ETV5: variants seen among roughly 807,000 people sequenced by gnomAD.
ETV5 encodes the protein ETS variant transcription factor 5.
In ETV5, 10 loss-of-function variants were observed where a neutral mutation model predicts 70.0. The observed-to-expected ratio is 0.14, with a 90% CI of 0.09 to 0.24. ETV5 has a LOEUF of 0.24. Ranked by LOEUF, ETV5 falls within the 10% of genes least tolerant of loss-of-function variation. The pLI, the probability that ETV5 is intolerant of heterozygous loss-of-function variation, is 1.00. For synonymous variants in ETV5, 216 were observed against 242.2 expected, an observed-to-expected ratio of 0.89 and a Z score of 1.01; for missense variants, 453 against 651.2, an observed-to-expected ratio of 0.70 and a Z score of 3.31.
chr3:186,107,243 G>C (rs1435177796), intron 1 of ETV5, among the ~76,000 whole-genome samples: 1 of 152,180 alleles, frequency 6.6e-6, no homozygotes, highest in Non-Finnish European at 1.5e-5. Context: ...CAGCCTGCCT[G>C]CGTGCCCCGT....
intron 5 of ETV5, among the ~76,000 whole-genome samples, chr3:186,083,817 C>T (rs1713989769): frequency 6.6e-6 from 1 of 152,086 alleles, no homozygotes; most frequent in South Asian, 2.1e-4. Context: ...ACTTTCCCCG[C>T]AGGACAAAAC....
intron 11 of ETV5, among the ~76,000 whole-genome samples, chr3:186,055,308 C>A (rs1156988359): frequency 6.6e-6 from 1 of 152,200 alleles, no homozygotes; most frequent in Non-Finnish European, 1.5e-5. Context: ...CCTCAGTGAA[C>A]CTAGGTGACA....
rs1223233399 is a variant in ETV5, at chr3:186,054,532, G to A, written c.1210-2401C>T. Among the ~76,000 whole-genome samples the A allele has an allele frequency of 6.6e-6, 1 of 152,118 alleles. No homozygotes were observed. Among genetic ancestry groups the A allele is most frequent in the Non-Finnish European group, 1.5e-5 (1 of 68,030 alleles). On this transcript the variant is annotated intron_variant, in intron 11 of 12. Transcript: ENST00000306376. This position sits in a 1 kb window ranked among gnomAD's most constrained non-coding sequence, Gnocchi z 4.4. ...AAGCCGAGTCAGTCATAATTGAGAG[G>A]GTGCTAAGCTGGATGACTATCAAAA...
intron 5 of ETV5, among the ~76,000 whole-genome samples, chr3:186,100,120 C>T (rs1405551630): frequency 1.3e-5 from 2 of 152,180 alleles, no homozygotes; most frequent in Admixed American, 6.5e-5. Context: ...TTAGCACCCT[C>T]CCAGCAGTAA....
chr3:186,076,789 C>CA (rs892258735), intron 7 of ETV5, among the ~76,000 whole-genome samples: 9 of 151,482 alleles, frequency 5.9e-5, no homozygotes. Flanking sequence ...GCACACCCAG[C>CA]AAAACAAAAA....
In ETV5 at chr3:186,047,426, T is replaced by G. The variant is rs1712906190; in HGVS notation, c.*1213A>C. ...CAAAACAAACTGATGAAATGGAAAT[T>G]GTCATCAGTCATGCCCAGGGAAGAA... On this transcript the variant is annotated 3_prime_UTR_variant, in exon 13 of 13. Coordinates refer to ENST00000306376, the MANE Select transcript of ETV5 (RefSeq NM_004454.3). 4.3e-6 allele frequency: 1 copy of G among 232,026 alleles called. No individual in the cohort carries two copies. Among genetic ancestry groups the G allele is most frequent in the Admixed American group, 5.6e-5 (1 of 17,710 alleles). The allele number at this position is 232,026 out of a possible 1,614,324, so 14.4% of individuals were successfully genotyped here.
At chr3:186,064,382 G>A (rs777972465) in intron 9 of ETV5, 35 bp downstream of exon 9, 2 of 1,582,446 alleles carry the variant, frequency 1.3e-6, no homozygotes, top group Non-Finnish European at 1.7e-6. Flanking sequence ...GGAGAGGAGA[G>A]AGGAGAGAAG....
rs1713198431 is a variant in ETV5 at position 186,057,636 on chromosome 3, GA to G, written c.971-146del. The G allele has an allele frequency of 4.2e-6, 3 of 713,764 alleles. No homozygotes were observed. In the South Asian group the frequency reaches 4.9e-5, roughly 12 times the overall value. The allele number at this position is 713,764 out of a possible 1,614,324, so 44.2% of individuals were successfully genotyped here. Reference sequence around the variant, plus strand: ...ATCTATGGCAGACTGAATTTTCAGGGACTTCAAGAGGGCTTAGGCATTCCAA... The same window carrying G: ...ATCTATGGCAGACTGAATTTTCAGGGCTTCAAGAGGGCTTAGGCATTCCAA... On this transcript the variant is annotated intron_variant, in intron 9 of 12. Coordinates refer to ENST00000306376, the MANE Select transcript of ETV5 (RefSeq NM_004454.3). The surrounding 1 kb of genome is among the most constrained non-coding windows in gnomAD (Gnocchi z 4.9).
At chr3:186,087,343 G>A (rs1195567763) in intron 5 of ETV5, among the ~76,000 whole-genome samples, 3 of 152,174 alleles carry the variant, frequency 2.0e-5, no homozygotes, top group East Asian at 1.9e-4. Flanking sequence ...TACTCTCGAC[G>A]GGGTGGTGCC....
At chr3:186,080,826 C>T in intron 6 of ETV5, 2 of 402,326 alleles carry the variant, frequency 5.0e-6, no homozygotes, top group South Asian at 8.5e-5. Flanking sequence ...GAACTTAGTG[C>T]TCTGTAGAGC....
rs1713195700 is a variant in ETV5 at position 186,057,534 on chromosome 3, T to G, written c.971-43A>C. 3 of 1,511,832 alleles carry G rather than the reference T, an allele frequency of 2.0e-6. No homozygotes were observed. The highest frequency in any genetic ancestry group is 1.8e-6 in the Non-Finnish European group (2 of 1,087,112). 93.7% of individuals were successfully genotyped at this position (1,511,832 alleles called of 1,614,324 possible). ...AGAAAGACTACGTTGCTTAACAAATTCTGTGTTGTACTAAAACTATGGATT... is the reference window on the plus strand; with the variant it reads ...AGAAAGACTACGTTGCTTAACAAATGCTGTGTTGTACTAAAACTATGGATT... On this transcript the variant is annotated intron_variant, in intron 9 of 12. Transcript: ENST00000306376. The surrounding 1 kb of genome is among the most constrained non-coding windows in gnomAD (Gnocchi z 4.9).
chr3:186,056,986 A>G, intron 11 of ETV5, 89 bp downstream of exon 11: 1 of 1,465,966 alleles, frequency 6.8e-7, no homozygotes. Context: ...AGCAGACTTG[A>G]CACAAAAAGC....
At chr3:186,101,908 G>A (rs929191726) in intron 5 of ETV5, among the ~76,000 whole-genome samples, 3 of 152,158 alleles carry the variant, frequency 2.0e-5, no homozygotes, top group Non-Finnish European at 4.4e-5. Context: ...AGGTCCACTG[G>A]TAGAATCCCT....
intron 5 of ETV5, among the ~76,000 whole-genome samples, chr3:186,104,202 GCAGCCCTGTGCTGCT>G (rs1282608738): frequency 2.0e-5 from 3 of 152,166 alleles, no homozygotes; most frequent in Admixed American, 6.5e-5. Flanking sequence ...GCTCTCTAGA[GCAGCCCTGTGCTGCT>G]CAAATTTCAT....
At position 186,052,701 on chromosome 3, in the gene ETV5, A is replaced by G. The variant is rs879356350; in HGVS notation, c.1210-570T>C. On this transcript the variant is annotated intron_variant, in intron 11 of 12. Transcript: ENST00000306376. The surrounding 1 kb of genome is among the most constrained non-coding windows in gnomAD (Gnocchi z 4.5). The stretch of plus-strand genomic sequence containing the variant: ...CCCATGCTCCCAGCAGACTTGCAGA[A>G]TGGACATGAAAGCATGTAGCACCAT... Among the ~76,000 whole-genome samples the G allele has an allele frequency of 6.6e-6, 1 of 152,218 alleles. No homozygotes were observed. The highest frequency in any genetic ancestry group is 6.5e-5 in the Admixed American group (1 of 15,278).
rs1484634912 is a variant in ETV5, at chr3:186,065,824, C to CAGT, written c.896_898dup (p.Tyr299dup). The CAGT allele has an allele frequency of 6.2e-7, 1 of 1,614,052 alleles. No homozygotes were observed. The highest frequency in any genetic ancestry group is 8.5e-7 in the Non-Finnish European group (1 of 1,180,026). ...AATTTGATGCTGACCTGAATCGACG[C>CAGT]AGTAATCCCGAGGCTCCTGCTTGAT... On this transcript the variant is annotated inframe_insertion, in exon 8 of 13. Transcript: ENST00000306376.
chr3:186,104,446 C>G (rs575628717), intron 5 of ETV5, among the ~76,000 whole-genome samples: 1 of 152,178 alleles, frequency 6.6e-6, no homozygotes, highest in Admixed American at 6.5e-5. Flanking sequence ...AGCAACTACA[C>G]GAAAAGTAAG....
rs1426278166 is a variant in ETV5 at position 186,054,502 on chromosome 3, GA to G, written c.1210-2372del. Among the ~76,000 whole-genome samples, 1 of 152,136 alleles carries G rather than the reference GA, an allele frequency of 6.6e-6. No individual in the cohort carries two copies. Among genetic ancestry groups the G allele is most frequent in the African/African-American group, 2.4e-5 (1 of 41,424 alleles). On this transcript the variant is annotated intron_variant, in intron 11 of 12. Transcript: ENST00000306376. The surrounding 1 kb of genome is among the most constrained non-coding windows in gnomAD (Gnocchi z 4.4). The stretch of plus-strand genomic sequence containing the variant: ...CAGATTCACAGTTAAAATGGCTCCA[GA>G]TTAAAGCCGAGTCAGTCATAATTGA...
chr3:186,064,351 C>G lies in ETV5; in HGVS notation c.970+66G>C. ...GAAGGAAGGTAGGAGAAAGAAAAGCCGAGAGAAAGAAAGGAAGAAAGGAGA... is the reference window on the plus strand; with the variant it reads ...GAAGGAAGGTAGGAGAAAGAAAAGCGGAGAGAAAGAAAGGAAGAAAGGAGA... On this transcript the variant is annotated intron_variant, in intron 9 of 12. Transcript: ENST00000306376. 3 of 1,469,544 alleles carry G rather than the reference C, an allele frequency of 2.0e-6. No homozygotes were observed. The South Asian group carries it at 3.4e-5, about 17-fold the overall frequency. 91.0% of individuals were successfully genotyped at this position (1,469,544 alleles called of 1,614,324 possible).
Sources: allele counts gnomAD v4.1 joint callset (sites outside exome capture counted in the v4.1 genomes callset), GRCh38; gene constraint gnomAD v4.1.1; non-coding constraint Gnocchi (gnomAD v3.1); transcripts MANE v1.5; gene names NCBI Gene and HGNC (gene_info 2026-07-23, HGNC 2026-07-21).